The following ANO10 variants were observed in gnomAD, a reference collection of about 807,000 sequenced individuals.
The protein encoded by ANO10 is anoctamin 10.
In ANO10, 77 loss-of-function variants were observed where a neutral mutation model predicts 74.7. The observed-to-expected ratio is 1.03, with a 90% CI of 0.86 to 1.25. The LOEUF (loss-of-function observed/expected upper bound fraction) is 1.25. Ranked by LOEUF, ANO10 falls within the 50% of genes most tolerant of loss-of-function variation. The pLI, the probability that ANO10 is intolerant of heterozygous loss-of-function variation, is 0.00. For synonymous variants in ANO10, 279 were observed against 284.9 expected, an observed-to-expected ratio of 0.98 and a Z score of 0.21; for missense variants, 721 against 778.1, an observed-to-expected ratio of 0.93 and a Z score of 0.87.
At chr3:43,671,233 A>G (rs2149577456) in intron 1 of ANO10, among the ~76,000 whole-genome samples, 1 of 152,340 alleles carries the variant, frequency 6.6e-6, no homozygotes, top group African/African-American at 2.4e-5. Flanking sequence ...TGTGTGGATT[A>G]TAACATAGTT....
At chr3:43,678,038 C>G (rs944536136) in intron 1 of ANO10, among the ~76,000 whole-genome samples, 4 of 152,182 alleles carry the variant, frequency 2.6e-5, no homozygotes, top group African/African-American at 9.7e-5. Flanking sequence ...CTGATAAACC[C>G]ACTGTAAGTT....
chr3:43,606,210 T>C (rs1190497569), intron 1 of ANO10, among the ~76,000 whole-genome samples: 4 of 152,196 alleles, frequency 2.6e-5, no homozygotes, highest in African/African-American at 7.2e-5. Context: ...GAGGAATGAG[T>C]AGCAGTTTGC....
chr3:43,429,237 G>A (rs1030372065), intron 12 of ANO10, among the ~76,000 whole-genome samples: 5 of 152,134 alleles, frequency 3.3e-5, no homozygotes, highest in African/African-American at 9.7e-5. Flanking sequence ...GAATTTGGTG[G>A]TGGTGAGGGA....
At chr3:43,646,794 GCCA>G (rs940775394) in intron 1 of ANO10, among the ~76,000 whole-genome samples, 2 of 152,134 alleles carry the variant, frequency 1.3e-5, no homozygotes, top group African/African-American at 4.8e-5. Context: ...ACAGGTGTGA[GCCA>G]CCACACCTGG....
upstream of ANO10, among the ~76,000 whole-genome samples, chr3:43,624,384 G>C (rs2083474172): frequency 6.6e-6 from 1 of 152,150 alleles, no homozygotes; most frequent in Non-Finnish European, 1.5e-5. Context: ...GTGGGGCCTG[G>C]TGCAAGGTGA....
At chr3:43,490,803 C>T (rs542215116) in intron 11 of ANO10, among the ~76,000 whole-genome samples, 1 of 152,138 alleles carries the variant, frequency 6.6e-6, no homozygotes, top group African/African-American at 2.4e-5. Flanking sequence ...GCACCACCCC[C>T]ACACACACAC....
At chr3:43,393,552 A>T (rs542279187) in intron 12 of ANO10, among the ~76,000 whole-genome samples, 1 of 152,198 alleles carries the variant, frequency 6.6e-6, no homozygotes, top group South Asian at 2.1e-4. Context: ...GGCTTTTGGG[A>T]TAAAGGCAAC....
At chr3:43,680,664 G>A (rs2084184154) in intron 1 of ANO10, among the ~76,000 whole-genome samples, 3 of 152,158 alleles carry the variant, frequency 2.0e-5, no homozygotes, top group Non-Finnish European at 2.9e-5. Flanking sequence ...AGGAAAAAAT[G>A]TTAAGGGCAG....
intron 11 of ANO10, among the ~76,000 whole-genome samples, chr3:43,488,687 T>G (rs1336925659): frequency 6.7e-6 from 1 of 150,356 alleles, no homozygotes; most frequent in African/African-American, 2.4e-5. Flanking sequence ...CTGGAGAGGA[T>G]GTGGAGAAAT....
chr3:43,549,765 A>G lies in ANO10; in HGVS notation c.1752T>C (p.Phe584=), dbSNP rs201820412. ...AAATGAGGTCTGCTTTTGATTCTGGAAAGACTGCATTCACTTGTGGTGACA... is the reference window on the plus strand; with the variant it reads ...AAATGAGGTCTGCTTTTGATTCTGGGAAGACTGCATTCACTTGTGGTGACA... The part of the protein sequence containing the change: ...IGMSPQVNAV[F]PESKADLILI... Residue 584 remains phenylalanine, a synonymous_variant, in exon 11 of 13, where the codon TTT becomes TTC. Coordinates refer to ENST00000292246, the MANE Select transcript of ANO10 (RefSeq NM_018075.5). The G allele has an allele frequency of 3.1e-6, 5 of 1,614,054 alleles. No homozygotes were observed. The highest frequency in any genetic ancestry group is 2.2e-5 in the East Asian group (1 of 44,868).
chr3:43,640,241 C>T (rs1050036140), intron 1 of ANO10, among the ~76,000 whole-genome samples: 1 of 152,156 alleles, frequency 6.6e-6, no homozygotes, highest in African/African-American at 2.4e-5. Context: ...AAAAAATATA[C>T]CCCCAGCTTA....
At chr3:43,635,643 C>T (rs1359822286) in intron 1 of ANO10, among the ~76,000 whole-genome samples, 5 of 145,076 alleles carry the variant, frequency 3.4e-5, no homozygotes, top group Admixed American at 6.9e-5. Context: ...TTTTCTGAGA[C>T]GGAGTCTCGC....
chr3:43,686,951 T>G (rs1031192945), intron 1 of ANO10, among the ~76,000 whole-genome samples: 12 of 151,354 alleles, frequency 7.9e-5, no homozygotes, highest in African/African-American at 7.3e-5. Flanking sequence ...TTCAACATGA[T>G]CCACAGAAGT....
intron 12 of ANO10, among the ~76,000 whole-genome samples, chr3:43,410,148 A>T (rs2092642218): frequency 6.6e-6 from 1 of 151,976 alleles, no homozygotes; most frequent in Non-Finnish European, 1.5e-5. Context: ...TTAACATAAG[A>T]TGACAGAAAG....
rs118005571 is a variant in ANO10, at chr3:43,564,465, T to C, written c.1293+1188A>G. The stretch of plus-strand genomic sequence containing the variant: ...AATTACACAACCATGACAAAACCAC[T>C]GCTACTTCTTGGGATATTTCTTTCC... On this transcript the variant is annotated intron_variant, in intron 8 of 12. Transcript: ENST00000292246. Among the ~76,000 whole-genome samples, 617 of 152,238 alleles carry C rather than the reference T, an allele frequency of 4.1e-3. 16 individuals are homozygous for C. In the East Asian group the frequency reaches 0.063, roughly 16 times the overall value.
intron 1 of ANO10, among the ~76,000 whole-genome samples, chr3:43,647,747 A>G (rs1018640240): frequency 6.6e-6 from 1 of 152,142 alleles, no homozygotes; most frequent in African/African-American, 2.4e-5. Flanking sequence ...CTGGAAGGAG[A>G]CAGATTGCAG....
intron 11 of ANO10, among the ~76,000 whole-genome samples, chr3:43,504,445 A>G (rs749370115): frequency 6.6e-6 from 1 of 152,202 alleles, no homozygotes; most frequent in African/African-American, 2.4e-5. Context: ...ATCTCTGCTA[A>G]GAAATGTAAA....
chr3:43,660,852 G>A (rs1363898277), intron 1 of ANO10, among the ~76,000 whole-genome samples: 2 of 152,152 alleles, frequency 1.3e-5, no homozygotes, highest in East Asian at 1.9e-4. Context: ...TACTCAGGAC[G>A]CCAAGGCAGG....
intron 11 of ANO10, among the ~76,000 whole-genome samples, chr3:43,474,210 C>T (rs1164938562): frequency 1.4e-5 from 2 of 146,538 alleles, no homozygotes; most frequent in Non-Finnish European, 3.0e-5. Flanking sequence ...TTCAGTACTT[C>T]CCCGCCCCCC....
Sources: allele counts gnomAD v4.1 joint callset (sites outside exome capture counted in the v4.1 genomes callset), GRCh38; gene constraint gnomAD v4.1.1; transcripts MANE v1.5; gene names NCBI Gene and HGNC (gene_info 2026-07-23, HGNC 2026-07-21).